RXFP1: variants seen among roughly 807,000 people sequenced by gnomAD.
The protein encoded by RXFP1 is relaxin receptor 1.
Under a neutral mutation model 89.8 loss-of-function variants are expected in RXFP1, and 73 were observed. The observed-to-expected ratio is 0.81, with a 90% CI of 0.67 to 0.99. RXFP1 has a LOEUF of 0.99. Ranked by LOEUF, RXFP1 falls within the 50% of genes least tolerant of loss-of-function variation. The pLI, the probability that RXFP1 is intolerant of heterozygous loss-of-function variation, is 0.00. For missense variants in RXFP1, 793 were observed against 895.5 expected, an observed-to-expected ratio of 0.89 and a Z score of 1.46; for synonymous variants, 277 against 305.5, an observed-to-expected ratio of 0.91 and a Z score of 0.97.
chr4:158,574,878 G>A (rs1043171025), intron 2 of RXFP1, among the ~76,000 whole-genome samples: 5 of 151,488 alleles, frequency 3.3e-5, no homozygotes, highest in South Asian at 2.1e-4. Context: ...CTATAAATAC[G>A]TTTTCATTTA....
At position 158,530,980 on chromosome 4, in the gene RXFP1, C is replaced by T. The variant is rs556871361; in HGVS notation, c.49+8955C>T. Among the ~76,000 whole-genome samples, 4 of 152,230 alleles carry T rather than the reference C, an allele frequency of 2.6e-5. No homozygotes were observed. In the South Asian group the frequency reaches 8.3e-4, roughly 32 times the overall value. ...TTTTCAAAGTTTCTATGCTAGTAAA[C>T]GTTAGCAGGTTCAATTTGAAAGCTC... is the stretch of plus-strand genomic sequence containing the variant. On this transcript the variant is annotated intron_variant, in intron 1 of 17. Coordinates refer to ENST00000307765, the MANE Select transcript of RXFP1 (RefSeq NM_021634.4).
intron 10 of RXFP1, among the ~76,000 whole-genome samples, chr4:158,627,253 G>A (rs556630773): frequency 2.6e-4 from 40 of 151,986 alleles, no homozygotes; most frequent in African/African-American, 9.2e-4. Context: ...AATTCACATG[G>A]TATTTTCTGT....
chr4:158,637,962 ATGTAGTT>A (rs1410836363), intron 12 of RXFP1, 39 bp from the exon 13 acceptor site: 1 of 1,141,696 alleles, frequency 8.8e-7, no homozygotes, highest in South Asian at 1.2e-5. Flanking sequence ...CGCTTTACTC[ATGTAGTT>A]TTTAGAAATG....
chr4:158,543,068 T>G (rs1269777670), intron 1 of RXFP1, among the ~76,000 whole-genome samples: 1 of 152,126 alleles, frequency 6.6e-6, no homozygotes, highest in Admixed American at 6.6e-5. Context: ...GACATGAGTT[T>G]ACTTATATAA....
chr4:158,642,405 T>A (rs980844784), intron 14 of RXFP1, among the ~76,000 whole-genome samples: 1 of 152,170 alleles, frequency 6.6e-6, no homozygotes, highest in African/African-American at 2.4e-5. Flanking sequence ...TTCTTTCTAG[T>A]TGTAACTTTG....
At chr4:158,555,690 G>C (rs1375010058) in intron 1 of RXFP1, among the ~76,000 whole-genome samples, 2 of 152,088 alleles carry the variant, frequency 1.3e-5, no homozygotes, top group Non-Finnish European at 2.9e-5. Context: ...TGTCTCACTT[G>C]GCAATTGGCA....
intron 1 of RXFP1, among the ~76,000 whole-genome samples, chr4:158,542,107 ATAT>A (rs1248251794): frequency 3.2e-4 from 9 of 28,216 alleles, no homozygotes; most frequent in African/African-American, 1.2e-3. Context: ...ATATATATAT[ATAT>A]TTTTTTTTTA....
intron 6 of RXFP1, among the ~76,000 whole-genome samples, chr4:158,610,281 A>T (rs899233156): frequency 1.3e-5 from 2 of 152,132 alleles, no homozygotes; most frequent in African/African-American, 2.4e-5. Flanking sequence ...TGATAATAAT[A>T]ATCATTAGAT....
chr4:158,585,677 G>C (rs1331678371), intron 2 of RXFP1, among the ~76,000 whole-genome samples: 1 of 148,706 alleles, frequency 6.7e-6, no homozygotes, highest in South Asian at 2.1e-4. Context: ...GATGATAAAA[G>C]AAAAAAAAAG....
At chr4:158,632,495 A>C (rs1768251285) in intron 11 of RXFP1, among the ~76,000 whole-genome samples, 1 of 152,198 alleles carries the variant, frequency 6.6e-6, no homozygotes, top group Admixed American at 6.5e-5. Context: ...GCTCAAGTCT[A>C]TTGAAACTTT....
At chr4:158,646,199 A>G (rs530066817) in intron 15 of RXFP1, 7 of 293,048 alleles carry the variant, frequency 2.4e-5, no homozygotes, top group African/African-American at 1.6e-4. Context: ...TGAAAGAGAG[A>G]GAAAACAGTT....
intron 2 of RXFP1, among the ~76,000 whole-genome samples, chr4:158,580,611 T>A (rs1757156123): frequency 1.3e-5 from 2 of 152,102 alleles, no homozygotes; most frequent in African/African-American, 4.8e-5. Context: ...AGTATGAACA[T>A]TTTCCCACGT....
chr4:158,566,744 A>G (rs1348305696), intron 1 of RXFP1, among the ~76,000 whole-genome samples: 1 of 152,266 alleles, frequency 6.6e-6, no homozygotes, highest in East Asian at 1.9e-4. Context: ...ATGAAAATGT[A>G]GAACTAATTT....
chr4:158,542,582 G>C (rs934430446), intron 1 of RXFP1, among the ~76,000 whole-genome samples: 3 of 152,120 alleles, frequency 2.0e-5, no homozygotes, highest in African/African-American at 7.2e-5. Flanking sequence ...AGGACTTCCT[G>C]CTTTTGTATC....
Position 158,540,286 on chromosome 4 carries a change from C to T in RXFP1, c.49+18261C>T, listed in dbSNP as rs148443499. ...TATGCTAGACAAAGGGTGGATTACT[C>T]ATGAGTTTTCTGGGAAAGGGGCAGG... On this transcript the variant is annotated intron_variant, in intron 1 of 17. Transcript: ENST00000307765. Among the ~76,000 whole-genome samples the T allele has an allele frequency of 4.1e-3, 622 of 152,238 alleles. 5 individuals carry two copies. Among genetic ancestry groups the T allele is most frequent in the African/African-American group, 0.014 (591 of 41,534 alleles).
rs758361055 is a variant in RXFP1, at chr4:158,626,824, C to T, written c.760C>T (p.Leu254Phe). Residue 254 changes from leucine (L) to phenylalanine (F), a missense_variant, in exon 10 of 18, where the codon CTT becomes TTT. Physicochemically the swap from Leu to Phe is conservative, Grantham distance 22. Transcript: ENST00000307765. Reference sequence around the variant, plus strand: ...CGTTTTATTTTTATGTTCCAGGGACCTTGAAGGCAACCATATCCATAATTT... The same window carrying T: ...CGTTTTATTTTTATGTTCCAGGGACTTTGAAGGCAACCATATCCATAATTT... ...QHMPRLHWLDLEGNHIHNLRN... is the reference protein window; with the variant it reads ...QHMPRLHWLDFEGNHIHNLRN... 2.6e-5 allele frequency: 40 copies of T among 1,558,306 alleles called. No homozygotes were observed. Among genetic ancestry groups the T allele is most frequent in the Non-Finnish European group, 3.2e-5 (37 of 1,144,372 alleles).
chr4:158,620,626 A>ACTAT (rs1368298561), intron 9 of RXFP1, among the ~76,000 whole-genome samples: 1 of 152,206 alleles, frequency 6.6e-6, no homozygotes, highest in Non-Finnish European at 1.5e-5. Flanking sequence ...AGCCAGAAGG[A>ACTAT]CTATGGTAAT....
intron 1 of RXFP1, among the ~76,000 whole-genome samples, chr4:158,536,120 T>C (rs1265722958): frequency 6.6e-6 from 1 of 152,230 alleles, no homozygotes; most frequent in Non-Finnish European, 1.5e-5. Flanking sequence ...CAAAGGTTGT[T>C]ACTCAGAAAG....
At chr4:158,620,484 C>A (rs1420298015) in intron 9 of RXFP1, among the ~76,000 whole-genome samples, 2 of 151,806 alleles carry the variant, frequency 1.3e-5, no homozygotes, top group Non-Finnish European at 1.5e-5. Context: ...ATGCAGAAGT[C>A]AAGAAAAACT....
Sources: gnomAD v4.1 joint callset for allele counts (sites outside exome capture counted in the v4.1 genomes callset) on GRCh38, gnomAD v4.1.1 for gene constraint, MANE v1.5 for transcripts, NCBI Gene and HGNC (gene_info 2026-07-23, HGNC 2026-07-21) for gene names.